The following NSD1 variants were observed in gnomAD, a reference collection of about 807,000 sequenced individuals.
The protein encoded by NSD1 is histone-lysine N-methyltransferase, H3 lysine-36 specific.
NSD1 carries 26 observed loss-of-function variants against 242.7 expected under a neutral mutation model. That is an observed-to-expected ratio of 0.11 (90% confidence interval 0.08 to 0.15). The LOEUF (loss-of-function observed/expected upper bound fraction) is 0.15, where lower values mean the gene tolerates loss of function less well. NSD1 is among the 10% of genes least tolerant of loss of function. The probability of loss-of-function intolerance (pLI) is 1.00; values close to 1 mark genes in which losing one functional copy is unlikely to be tolerated. For synonymous variants in NSD1, 1,106 were observed against 1,178.1 expected (o/e 0.94, Z 1.25); for missense variants, 2,495 against 3,272.8 (o/e 0.76, Z 5.80).
chr5:177,233,184 C>T (rs1765187807), intron 5 of NSD1, among the ~76,000 whole-genome samples: 1 of 152,068 alleles, frequency 6.6e-6, no homozygotes, highest in Non-Finnish European at 1.5e-5. Flanking sequence ...AAGCATTCTT[C>T]CCTGGTAGCT....
In NSD1 at chr5:177,292,149, C is replaced by A. The variant is rs587784199; in HGVS notation, c.6454C>A (p.Arg2152=). 3 of 1,614,028 alleles carry A rather than the reference C, an allele frequency of 1.9e-6. No homozygotes were observed. The highest frequency in any genetic ancestry group is 2.5e-6 in the Non-Finnish European group (3 of 1,179,978). Residue 2152 remains arginine, a synonymous_variant, in exon 22 of 23, where the codon CGA becomes AGA. Transcript: ENST00000439151. ...YHADCLNLTK[R]PAGKWECPWH... ...CGCAGACTGTCTCAATCTGACCAAGCGACCAGCAGGTTGGTGCCAAAATCC... is the reference window on the plus strand; with the variant it reads ...CGCAGACTGTCTCAATCTGACCAAGAGACCAGCAGGTTGGTGCCAAAATCC...
At position 177,269,480 on chromosome 5, in the gene NSD1, G is replaced by GT. The variant is rs1757786218; in HGVS notation, c.5304-121dup. 3.5e-6 allele frequency: 3 copies of GT among 866,476 alleles called. No homozygotes were observed. The highest frequency in any genetic ancestry group is 3.8e-6 in the Non-Finnish European group (2 of 531,616). 53.7% of individuals were successfully genotyped at this position (866,476 alleles called of 1,614,324 possible). A position where few individuals can be genotyped will look rare whatever the true frequency, so the allele number is the denominator to read the frequency against. ...GTTCTAGTTAGGTTGTAAGAATGCC[G>GT]TAAGATGGACTTTAATGTGGACAGA... On this transcript the variant is annotated intron_variant, in intron 15 of 22. Coordinates refer to ENST00000439151, the MANE Select transcript of NSD1 (RefSeq NM_022455.5). This position sits in a 1 kb window ranked among gnomAD's most constrained non-coding sequence, Gnocchi z 5.1.
At chr5:177,132,721 G>T (rs370700666), upstream of NSD1, among the ~76,000 whole-genome samples, 1,083 of 152,180 alleles carry the variant, frequency 7.1e-3, 7 homozygotes, top group African/African-American at 0.018. This position sits in a 1 kb window ranked among gnomAD's most constrained non-coding sequence, Gnocchi z 7.5. Flanking sequence ...GCCACGGCCG[G>T]GCGAGCAGTG....
intron 5 of NSD1, among the ~76,000 whole-genome samples, chr5:177,213,518 A>G (rs547357893): frequency 4.1e-4 from 62 of 152,056 alleles, no homozygotes; most frequent in Non-Finnish European, 2.2e-4. Context: ...CCCAGGCTGG[A>G]GTGCCGTGGC....
rs150896432 is a variant in NSD1, at chr5:177,215,744, C to T, written c.3796+3549C>T. Among the ~76,000 whole-genome samples the T allele has an allele frequency of 5.8e-3, 880 of 152,048 alleles. 7 individuals are homozygous for T. The highest frequency in any genetic ancestry group is 0.02 in the African/African-American group (843 of 41,474). On this transcript the variant is annotated intron_variant, in intron 5 of 22. Coordinates refer to ENST00000439151, the MANE Select transcript of NSD1 (RefSeq NM_022455.5). ...CTGACCTTAAGTGATCCTCCTGCTTCGGCCTCCCAAAGTGTTGGGATTATA... is the reference window on the plus strand; with the variant it reads ...CTGACCTTAAGTGATCCTCCTGCTTTGGCCTCCCAAAGTGTTGGGATTATA...
At position 177,295,089 on chromosome 5, in the gene NSD1, C is replaced by T. The variant is rs150977055; in HGVS notation, c.7721C>T (p.Pro2574Leu). Residue 2574 changes from proline to leucine, a missense_variant, in exon 23 of 23, where the codon CCG becomes CTG. Around this residue, in one of 19 missense-constraint regions of NSD1, gnomAD observed 475 missense variants for 563.7 expected, o/e 0.84. Coordinates refer to ENST00000439151, the MANE Select transcript of NSD1 (RefSeq NM_022455.5). The surrounding 1 kb of genome is among the most constrained non-coding windows in gnomAD (Gnocchi z 4.3). Reference protein sequence around the residue: ...EQTPGPLSQSPGLVKQAKQMV... With the variant: ...EQTPGPLSQSLGLVKQAKQMV... ...ACCCCAGGGCCTCTTAGCCAATCCCCGGGCCTGGTGAAGCAGGCGAAGCAG... is the reference window on the plus strand; with the variant it reads ...ACCCCAGGGCCTCTTAGCCAATCCCTGGGCCTGGTGAAGCAGGCGAAGCAG... The T allele has an allele frequency of 1.2e-5, 20 of 1,611,442 alleles. No homozygotes were observed. Among genetic ancestry groups the T allele is most frequent in the Middle Eastern group, 3.3e-4 (2 of 6,076 alleles).
intron 8 of NSD1, among the ~76,000 whole-genome samples, chr5:177,241,923 G>A (rs73347645): frequency 0.04 from 6,121 of 152,202 alleles, 420 homozygotes; most frequent in African/African-American, 0.14. Flanking sequence ...TTCTGGTAGT[G>A]CTTTAAGGGT....
intron 2 of NSD1, among the ~76,000 whole-genome samples, chr5:177,180,942 A>G (rs1467813863): frequency 2.0e-5 from 3 of 151,918 alleles, no homozygotes; most frequent in African/African-American, 7.2e-5. Context: ...CGGCCTCCCA[A>G]AGTGCTGGGA....
At chr5:177,187,351 C>T (rs1761320597) in intron 2 of NSD1, among the ~76,000 whole-genome samples, 3 of 152,016 alleles carry the variant, frequency 2.0e-5, no homozygotes, top group Admixed American at 6.6e-5. Context: ...GTGATTCTCC[C>T]ACCTTGGCCT....
intron 2 of NSD1, among the ~76,000 whole-genome samples, chr5:177,139,329 T>C (rs776162104): frequency 4.7e-5 from 7 of 150,316 alleles, no homozygotes; most frequent in Non-Finnish European, 8.9e-5. Flanking sequence ...CTGGGCGTGG[T>C]GGCAGGCTCG....
At chr5:177,162,584 A>G (rs244708) in intron 2 of NSD1, among the ~76,000 whole-genome samples, 80,592 of 151,914 alleles carry the variant, frequency 0.53, 22,712 homozygotes, top group African/African-American at 0.73. Flanking sequence ...CTTTCGCCCT[A>G]TTGGCTAGGC....
At chr5:177,257,224 CTTTCTT>C in intron 13 of NSD1, 73 bp downstream of exon 13, 3 of 896,766 alleles carry the variant, frequency 3.3e-6, no homozygotes, top group Admixed American at 2.9e-5. Context: ...TTTCTTTTTT[CTTTCTT>C]TTTTTTTTTT....
intron 5 of NSD1, among the ~76,000 whole-genome samples, chr5:177,220,348 TG>T (rs1410942385): frequency 1.3e-5 from 2 of 152,158 alleles, no homozygotes; most frequent in Non-Finnish European, 2.9e-5. Flanking sequence ...TATATAAGTA[TG>T]GCCAAAACCT....
intron 2 of NSD1, among the ~76,000 whole-genome samples, chr5:177,186,281 A>G (rs1761226232): frequency 6.7e-6 from 1 of 149,478 alleles, no homozygotes; most frequent in Non-Finnish European, 1.5e-5. Context: ...ACATAGGGAG[A>G]CCCTGTCTCA....
Position 177,237,679 on chromosome 5 carries a change from C to T in NSD1, c.3922-558C>T, listed in dbSNP as rs1765562237. 2.0e-5 allele frequency among the ~76,000 whole-genome samples: 3 copies of T among 151,592 alleles called. No individual in the cohort carries two copies. In the South Asian group the frequency reaches 6.3e-4, roughly 32 times the overall value. ...TCCCGAGTAGCTGGGACTACAGGTG[C>T]CCGCCACCACACCTGGCTAATTTTT... On this transcript the variant is annotated intron_variant, in intron 6 of 22. Coordinates refer to ENST00000439151, the MANE Select transcript of NSD1 (RefSeq NM_022455.5).
intron 16 of NSD1, among the ~76,000 whole-genome samples, chr5:177,271,518 T>C (rs563788315): frequency 5.3e-5 from 8 of 152,262 alleles, no homozygotes; most frequent in Non-Finnish European, 1.0e-4. Flanking sequence ...CTGACTCTTA[T>C]AGTAGGGCCA....
intron 3 of NSD1, among the ~76,000 whole-genome samples, chr5:177,201,921 CTT>C (rs1162722428): frequency 6.6e-6 from 1 of 151,532 alleles, no homozygotes; most frequent in African/African-American, 2.4e-5. Flanking sequence ...AATCCCAGCA[CTT>C]TGGGAGGCCG....
At chr5:177,220,164 C>G (rs922144636) in intron 5 of NSD1, among the ~76,000 whole-genome samples, 1 of 152,120 alleles carries the variant, frequency 6.6e-6, no homozygotes, top group African/African-American at 2.4e-5. Context: ...TTGTGTTACT[C>G]TATTTCTCCT....
chr5:177,186,495 A>T (rs1761244962), intron 2 of NSD1, among the ~76,000 whole-genome samples: 1 of 152,106 alleles, frequency 6.6e-6, no homozygotes, highest in Non-Finnish European at 1.5e-5. Context: ...CATAGGTTTG[A>T]TTTTTAACTG....
Sources: gnomAD v4.1 joint callset for allele counts (sites outside exome capture counted in the v4.1 genomes callset) on GRCh38, gnomAD v4.1.1 for gene constraint, gnomAD v4.1.1 regional missense constraint, Gnocchi (gnomAD v3.1) non-coding constraint, MANE v1.5 for transcripts, NCBI Gene and HGNC (gene_info 2026-07-23, HGNC 2026-07-21) for gene names.